Variants in FNIP2 observed in about 807,000 individuals in gnomAD.
The protein encoded by FNIP2 is folliculin interacting protein 2.
FNIP2 carries 32 observed loss-of-function variants against 108.7 expected under a neutral mutation model. The observed-to-expected ratio is 0.29, with a 90% CI of 0.22 to 0.40. The LOEUF (loss-of-function observed/expected upper bound fraction) is 0.40. FNIP2 is among the 10% of genes least tolerant of loss of function. The pLI is 1.00. For missense variants in FNIP2, 1,202 were observed against 1,381.6 expected (o/e 0.87, Z 2.06); for synonymous variants, 480 against 496.7 (o/e 0.97, Z 0.45).
rs370105773 is a variant in FNIP2, at chr4:158,895,917, T to C, written c.3266+52T>C. 206 of 1,307,474 alleles carry C rather than the reference T, an allele frequency of 1.6e-4. 1 individual carries two copies. In the African/African-American group the frequency reaches 2.3e-3, roughly 15 times the overall value. 81.0% of individuals were successfully genotyped at this position (1,307,474 alleles called of 1,614,324 possible). On this transcript the variant is annotated intron_variant, in intron 16 of 16. Transcript: ENST00000264433. The stretch of plus-strand genomic sequence containing the variant: ...GTCCCTTTGATAGGTATCCCTAGCA[T>C]TGTACCCACTAACGTGTTTAGCCTG...
intron 14 of FNIP2, chr4:158,889,859 C>G: frequency 1.0e-6 from 1 of 983,024 alleles, no homozygotes; most frequent in Non-Finnish European, 1.2e-6. Context: ...TCGTCATCAT[C>G]TTGATATAAA....
At chr4:158,869,556 A>T in intron 13 of FNIP2, 128 bp downstream of exon 13, 1 of 1,279,152 alleles carries the variant, frequency 7.8e-7, no homozygotes, top group Non-Finnish European at 1.0e-6. Flanking sequence ...TCCACAAAGT[A>T]CTAGAAGTAT....
intron 3 of FNIP2, among the ~76,000 whole-genome samples, chr4:158,830,588 T>C (rs940998041): frequency 2.6e-5 from 4 of 152,200 alleles, no homozygotes. Flanking sequence ...TTTCCGCCTC[T>C]GCAACCGTGC....
In FNIP2 at chr4:158,817,699, C is replaced by T. The variant is rs549059526; in HGVS notation, c.108-8217C>T. Among the ~76,000 whole-genome samples, 9 of 152,318 alleles carry T rather than the reference C, an allele frequency of 5.9e-5. No homozygotes were observed. In the East Asian group the frequency reaches 9.6e-4, roughly 16 times the overall value. On this transcript the variant is annotated intron_variant, in intron 1 of 16. Coordinates refer to ENST00000264433, the MANE Select transcript of FNIP2 (RefSeq NM_020840.3). ...GTTAGCTGGGATCACAGGCGCCCAC[C>T]GCCATGCCTGGCTAATTTTTATACT...
intron 1 of FNIP2, among the ~76,000 whole-genome samples, chr4:158,801,418 A>G (rs1776758245): frequency 6.6e-6 from 1 of 152,194 alleles, no homozygotes; most frequent in Non-Finnish European, 1.5e-5. Flanking sequence ...TCAGTCAGTG[A>G]TATCCAATTG....
At chr4:158,863,106 A>G (rs1439125499) in intron 12 of FNIP2, among the ~76,000 whole-genome samples, 1 of 152,102 alleles carries the variant, frequency 6.6e-6, no homozygotes, top group African/African-American at 2.4e-5. Flanking sequence ...CCCCCAAACA[A>G]TCCATCAGGG....
intron 1 of FNIP2, among the ~76,000 whole-genome samples, chr4:158,800,312 G>T (rs1776719180): frequency 6.6e-6 from 1 of 152,180 alleles, no homozygotes; most frequent in Admixed American, 6.5e-5. Flanking sequence ...AAGGGAAATT[G>T]TGGAGCTTTG....
intron 1 of FNIP2, chr4:158,794,800 T>C (rs1314299672): frequency 6.6e-6 from 1 of 152,222 alleles, no homozygotes; most frequent in East Asian, 1.9e-4. Context: ...TCTCTTTGAG[T>C]TATTTTTTGG....
rs1444876141 is a variant in FNIP2, at chr4:158,907,390, A to G, written c.*2846A>G. 6.6e-6 allele frequency: 1 copy of G among 152,178 alleles called. No individual in the cohort carries two copies. The highest frequency in any genetic ancestry group is 1.5e-5 in the Non-Finnish European group (1 of 68,044). 9.4% of individuals were successfully genotyped at this position (152,178 alleles called of 1,614,324 possible). On this transcript the variant is annotated 3_prime_UTR_variant, in exon 17 of 17. Transcript: ENST00000264433. ...ATGGAACTGCCGTTTACACATTGCAACTTTTTAAACTTAACCATATTTTTC... is the reference window on the plus strand; with the variant it reads ...ATGGAACTGCCGTTTACACATTGCAGCTTTTTAAACTTAACCATATTTTTC...
Position 158,838,391 on chromosome 4 carries a change from T to A in FNIP2, c.727+2915T>A, listed in dbSNP as rs77926635. On this transcript the variant is annotated intron_variant, in intron 7 of 16. Coordinates refer to ENST00000264433, the MANE Select transcript of FNIP2 (RefSeq NM_020840.3). ...ACATACCACCACACCTGGCTAATTT[T>A]TATATTTTTGGTAGAGATGGAGTTT... 1.6e-3 allele frequency among the ~76,000 whole-genome samples: 250 copies of A among 152,118 alleles called. 1 individual carries two copies. Among genetic ancestry groups the A allele is most frequent in the East Asian group, 0.014 (71 of 5,160 alleles).
intron 7 of FNIP2, among the ~76,000 whole-genome samples, chr4:158,836,991 C>T (rs1285686179): frequency 7.9e-5 from 12 of 152,240 alleles, no homozygotes; most frequent in African/African-American, 2.9e-4. Flanking sequence ...CTTTGTGGGA[C>T]ACTGTCAGAT....
At chr4:158,786,955 CTG>C (rs1176591688) in intron 1 of FNIP2, among the ~76,000 whole-genome samples, 1 of 151,070 alleles carries the variant, frequency 6.6e-6, no homozygotes, top group Admixed American at 6.6e-5. Flanking sequence ...TCTTCAGAGT[CTG>C]TATTGCTTTT....
chr4:158,840,659 G>C (rs1258370949), intron 7 of FNIP2, among the ~76,000 whole-genome samples: 1 of 152,206 alleles, frequency 6.6e-6, no homozygotes, highest in African/African-American at 2.4e-5. Flanking sequence ...GCCTCCCAAA[G>C]TGCTGGGATT....
intron 7 of FNIP2, among the ~76,000 whole-genome samples, chr4:158,851,108 T>C (rs1371750934): frequency 1.3e-5 from 2 of 152,234 alleles, no homozygotes; most frequent in Non-Finnish European, 2.9e-5. Flanking sequence ...ACATATAATA[T>C]GAAATTTACC....
chr4:158,864,643 C>T lies in FNIP2; in HGVS notation c.1465+2867C>T, dbSNP rs189075452. Among the ~76,000 whole-genome samples the T allele has an allele frequency of 1.9e-4, 29 of 152,256 alleles. No homozygotes were observed. In the East Asian group the frequency reaches 5.6e-3, roughly 29 times the overall value. The stretch of plus-strand genomic sequence containing the variant: ...CTTTCACCATGCTTCCTTTACAGGG[C>T]TTCTAAATTCTCTCAGCTTCTCCAC... On this transcript the variant is annotated intron_variant, in intron 12 of 16. Coordinates refer to ENST00000264433, the MANE Select transcript of FNIP2 (RefSeq NM_020840.3).
chr4:158,833,546 G>C lies in FNIP2; in HGVS notation c.573G>C (p.Glu191Asp). 1 of 1,605,246 alleles carries C rather than the reference G, an allele frequency of 6.2e-7. No individual in the cohort carries two copies. Among genetic ancestry groups the C allele is most frequent in the Non-Finnish European group, 8.5e-7 (1 of 1,177,106 alleles). The change falls in exon 6 of 17, where the codon GAG becomes GAC. Residue 191 changes from glutamate (E) to aspartate (D), a missense_variant. This residue lies in a region of FNIP2 where 878 missense variants were observed against 990.3 expected (regional missense o/e 0.89). Coordinates refer to ENST00000264433, the MANE Select transcript of FNIP2 (RefSeq NM_020840.3). ...GSTNNLQDSFEYINQDPNLGK... is the reference protein window; with the variant it reads ...GSTNNLQDSFDYINQDPNLGK... ...GATATAGCTTGCAAGACAGCTTTGA[G>C]TACATCAACCAAGATCCTAATTTGG...
rs114322420 is a variant in FNIP2, at chr4:158,906,501, C to T, written c.*1957C>T. The T allele has an allele frequency of 3.7e-3, 566 of 152,222 alleles. 7 individuals carry two copies. The highest frequency in any genetic ancestry group is 0.013 in the African/African-American group (543 of 41,538). 9.4% of individuals were successfully genotyped at this position (152,222 alleles called of 1,614,324 possible). A position where few individuals can be genotyped will look rare whatever the true frequency, so the allele number is the denominator to read the frequency against. ...ATATAGGGGACACTGAGCTTTAAAT[C>T]GTTGATTCTAAACTCTATACATTAA... On this transcript the variant is annotated 3_prime_UTR_variant, in exon 17 of 17. Coordinates refer to ENST00000264433, the MANE Select transcript of FNIP2 (RefSeq NM_020840.3).
rs551083687 is a variant in FNIP2, at chr4:158,769,578, C to G, written c.107+259C>G. On this transcript the variant is annotated intron_variant, in intron 1 of 16. Transcript: ENST00000264433. ...GAGTTCTCTTGTGTTCCTTGGGGTT[C>G]CCGGGCGTGCGCTGTGCTTGGCTGT... 2.6e-5 allele frequency among the ~76,000 whole-genome samples: 4 copies of G among 152,296 alleles called. No individual in the cohort carries two copies. The East Asian group carries it at 7.7e-4, about 29-fold the overall frequency.
chr4:158,888,544 G>A (rs1215427750), intron 14 of FNIP2, among the ~76,000 whole-genome samples: 1 of 152,190 alleles, frequency 6.6e-6, no homozygotes, highest in Non-Finnish European at 1.5e-5. Flanking sequence ...CTCAATCTGT[G>A]TACTCATTGT....
Sources: gnomAD v4.1 joint callset for allele counts (sites outside exome capture counted in the v4.1 genomes callset) on GRCh38, gnomAD v4.1.1 for gene constraint, gnomAD v4.1.1 regional missense constraint, MANE v1.5 for transcripts, NCBI Gene and HGNC (gene_info 2026-07-23, HGNC 2026-07-21) for gene names.